Variants in DPP8 observed in about 807,000 individuals in gnomAD.
DPP8 encodes the protein dipeptidyl peptidase 8.
DPP8 carries 31 observed loss-of-function variants against 107.5 expected under a neutral mutation model. The ratio of observed to expected loss-of-function variants is 0.29; its 90% CI spans 0.22 to 0.39. The LOEUF (loss-of-function observed/expected upper bound fraction) is 0.39, where lower values mean the gene tolerates loss of function less well. Among genes scored for constraint, DPP8 ranks in the 10% least tolerant of loss-of-function variants. The pLI is 1.00. For missense variants in DPP8, 842 were observed against 1,076.1 expected, an observed-to-expected ratio of 0.78 and a Z score of 3.04; for synonymous variants, 381 against 356.6, an observed-to-expected ratio of 1.07 and a Z score of -0.77.
rs1282153914 is a variant in DPP8 at position 65,444,407 on chromosome 15, T to C, written c.*2477A>G. 2 of 152,224 alleles carry C rather than the reference T, an allele frequency of 1.3e-5. No homozygotes were observed. The highest frequency in any genetic ancestry group is 4.8e-5 in the African/African-American group (2 of 41,456). 9.4% of individuals were successfully genotyped at this position (152,224 alleles called of 1,614,324 possible). A position where few individuals can be genotyped will look rare whatever the true frequency, so the allele number is the denominator to read the frequency against. ...AGTATGATATTTAACCTAGTGCTTT[T>C]TGGCTCCCACTAAACTGTTGCTACT... On this transcript the variant is annotated 3_prime_UTR_variant, in exon 20 of 20. Transcript: ENST00000300141.
intron 7 of DPP8, among the ~76,000 whole-genome samples, chr15:65,486,718 T>C (rs1167058591): frequency 6.6e-6 from 1 of 152,132 alleles, no homozygotes; most frequent in South Asian, 2.1e-4. Flanking sequence ...TTATTCTAAG[T>C]GAAGTAACTC....
Position 65,456,293 on chromosome 15 carries a change from C to T in DPP8, c.2050G>A (p.Val684Ile). 1 of 1,614,148 alleles carries T rather than the reference C, an allele frequency of 6.2e-7. No homozygotes were observed. The highest frequency in any genetic ancestry group is 8.5e-7 in the Non-Finnish European group (1 of 1,180,014). Reference protein sequence around the residue: ...NTLASLGYVVVVIDNRGSCHR... With the variant: ...NTLASLGYVVIVIDNRGSCHR... ...CAGGATCCCCTGTTGTCTATCACTACAACCACATAACCTAGAGAGGCTAGG... is the reference window on the plus strand; with the variant it reads ...CAGGATCCCCTGTTGTCTATCACTATAACCACATAACCTAGAGAGGCTAGG... Residue 684 changes from valine to isoleucine, a missense_variant, in exon 16 of 20, where the codon GTA (valine) becomes ATA (isoleucine). Transcript: ENST00000300141.
intron 19 of DPP8, among the ~76,000 whole-genome samples, chr15:65,448,885 TATATATATATATATA>T (rs1171780238): frequency 1.8e-5 from 1 of 55,774 alleles, no homozygotes; most frequent in African/African-American, 6.7e-5. Context: ...TATATATATA[TATATATATATATATA>T]TATATATATA....
chr15:65,455,670 A>G, intron 16 of DPP8: 2 of 1,195,208 alleles, frequency 1.7e-6, no homozygotes, highest in South Asian at 3.2e-5. Flanking sequence ...ATACAACATA[A>G]GGTCAAAGAA....
At chr15:65,468,278 T>A (rs532653969) in intron 12 of DPP8, among the ~76,000 whole-genome samples, 2 of 152,262 alleles carry the variant, frequency 1.3e-5, no homozygotes, top group South Asian at 4.1e-4. Context: ...GAGGATCGTT[T>A]GAGCTTAGGA....
chr15:65,490,324 T>C (rs1009411128), intron 5 of DPP8, 25 bp from the exon 6 acceptor site: 1 of 1,397,024 alleles, frequency 7.2e-7, no homozygotes, highest in Non-Finnish European at 1.0e-6. Flanking sequence ...AAGGCAAAAT[T>C]ATCACAGAAA....
At chr15:65,474,098 C>G (rs2066166933) in intron 12 of DPP8, 111 bp downstream of exon 12, 8 of 806,730 alleles carry the variant, frequency 9.9e-6, no homozygotes, top group Non-Finnish European at 1.7e-5. Flanking sequence ...GAGCAAGACT[C>G]TGTCTCGGAA....
At chr15:65,448,162 A>G (rs1017635136) in intron 19 of DPP8, among the ~76,000 whole-genome samples, 1 of 152,046 alleles carries the variant, frequency 6.6e-6, no homozygotes. Flanking sequence ...AGGTGGGAGG[A>G]TTACTTGACC....
intron 15 of DPP8, 68 bp downstream of exon 15, chr15:65,463,693 T>TAAAAAACAAA (rs1299809891): frequency 7.1e-7 from 1 of 1,407,564 alleles, no homozygotes; most frequent in Non-Finnish European, 9.8e-7. Context: ...ACTAGACATT[T>TAAAAAACAAA]AAAAAACAAA....
At chr15:65,512,102 T>C (rs1220525589) in intron 2 of DPP8, 193 bp downstream of exon 2, 2 of 721,018 alleles carry the variant, frequency 2.8e-6, no homozygotes, top group Non-Finnish European at 2.5e-6. Flanking sequence ...AATTAATGAC[T>C]TGTTACCTAC....
chr15:65,476,897 T>TG (rs1289342363), intron 11 of DPP8, among the ~76,000 whole-genome samples: 3 of 151,992 alleles, frequency 2.0e-5, no homozygotes, highest in Non-Finnish European at 4.4e-5. Flanking sequence ...CACTACAAAA[T>TG]GGATGAAACT....
chr15:65,488,436 A>G (rs1033489998), intron 6 of DPP8, among the ~76,000 whole-genome samples: 2 of 151,810 alleles, frequency 1.3e-5, no homozygotes, highest in African/African-American at 4.8e-5. Flanking sequence ...GCAATACCCC[A>G]TCTCTAAAAA....
At chr15:65,499,818 G>A (rs2069010480) in intron 4 of DPP8, among the ~76,000 whole-genome samples, 1 of 149,298 alleles carries the variant, frequency 6.7e-6, no homozygotes, top group African/African-American at 2.5e-5. Flanking sequence ...TGCCCACATG[G>A]GCCTCCCAAA....
intron 19 of DPP8, among the ~76,000 whole-genome samples, chr15:65,448,655 G>A: frequency 9.7e-6 from 1 of 102,830 alleles, no homozygotes; most frequent in Non-Finnish European, 1.8e-5. Flanking sequence ...CTGGGTGACA[G>A]AGCGAAACTC....
chr15:65,477,623 G>A (rs892533360), intron 11 of DPP8, among the ~76,000 whole-genome samples: 6 of 148,766 alleles, frequency 4.0e-5, no homozygotes, highest in South Asian at 2.2e-4. Context: ...TCTGCCTCCC[G>A]GGTTCACGCC....
At position 65,446,846 on chromosome 15, in the gene DPP8, T is replaced by A. The variant is rs756398941; in HGVS notation, c.*38A>T. On this transcript the variant is annotated 3_prime_UTR_variant, in exon 20 of 20. Coordinates refer to ENST00000300141, the MANE Select transcript of DPP8 (RefSeq NM_130434.5). ...GATTAAACCTCCTCATTTGGTTAAA[T>A]AGCCAGTGTATACCAGAGAGTTCTA... is the stretch of plus-strand genomic sequence containing the variant. 2.6e-6 allele frequency: 4 copies of A among 1,553,608 alleles called. No homozygotes were observed. The highest frequency in any genetic ancestry group is 3.5e-6 in the Non-Finnish European group (4 of 1,151,352).
At chr15:65,497,732 T>A (rs927309745) in intron 5 of DPP8, 132 bp downstream of exon 5, 13 of 620,038 alleles carry the variant, frequency 2.1e-5, no homozygotes, top group South Asian at 9.8e-5. Context: ...CTCCATTTTT[T>A]AAAAATTTTA....
intron 5 of DPP8, among the ~76,000 whole-genome samples, chr15:65,490,574 A>T (rs898749061): frequency 1.3e-5 from 2 of 152,198 alleles, no homozygotes; most frequent in African/African-American, 4.8e-5. Context: ...CACTTAGAAC[A>T]AAGCCTGGAC....
chr15:65,498,531 A>C (rs2068835216), intron 4 of DPP8, among the ~76,000 whole-genome samples: 1 of 152,190 alleles, frequency 6.6e-6, no homozygotes, highest in South Asian at 2.1e-4. Flanking sequence ...GAAAAAGCTA[A>C]GGGTAACAGG....
Sources: gnomAD v4.1 joint callset for allele counts (sites outside exome capture counted in the v4.1 genomes callset) on GRCh38, gnomAD v4.1.1 for gene constraint, MANE v1.5 for transcripts, NCBI Gene and HGNC (gene_info 2026-07-23, HGNC 2026-07-21) for gene names.